Variants in DNAH9 observed in about 807,000 individuals in gnomAD.
The protein encoded by DNAH9 is dynein axonemal heavy chain 9, also known as DNAH9 variant protein.
A neutral mutation model predicts 471.6 loss-of-function variants in DNAH9; 345 were observed. The observed-to-expected ratio is 0.73, with a 90% CI of 0.67 to 0.80. DNAH9 has a LOEUF of 0.80. Ranked by LOEUF, DNAH9 falls within the 30% of genes least tolerant of loss-of-function variation. The pLI is 0.00. For synonymous variants in DNAH9, 2,093 were observed against 2,123.6 expected, an observed-to-expected ratio of 0.99 and a Z score of 0.40; for missense variants, 5,407 against 5,609.2, an observed-to-expected ratio of 0.96 and a Z score of 1.15.
intron 41 of DNAH9, among the ~76,000 whole-genome samples, 198 bp downstream of exon 41, chr17:11,784,737 T>C (rs1013104069): frequency 6.6e-6 from 1 of 152,116 alleles, no homozygotes; most frequent in African/African-American, 2.4e-5. Context: ...GAGTTTCCTT[T>C]GCCAATTAAA....
intron 30 of DNAH9, among the ~76,000 whole-genome samples, chr17:11,744,207 AGTCT>A (rs1414822183): frequency 6.6e-6 from 1 of 152,090 alleles, no homozygotes; most frequent in Non-Finnish European, 1.5e-5. Flanking sequence ...CTTCAACAGA[AGTCT>A]GTCTGAGTTC....
intron 50 of DNAH9, among the ~76,000 whole-genome samples, chr17:11,856,190 A>C (rs1342232321): frequency 6.6e-6 from 1 of 152,178 alleles, no homozygotes; most frequent in Non-Finnish European, 1.5e-5. Flanking sequence ...TCAATCCAAA[A>C]AATTTTCTGG....
At chr17:11,719,562 A>G in intron 27 of DNAH9, 72 bp downstream of exon 27, 3 of 1,445,562 alleles carry the variant, frequency 2.1e-6, no homozygotes, top group Non-Finnish European at 2.8e-6. Flanking sequence ...CAAGGCTAAG[A>G]CGCATCCGTG....
At chr17:11,889,916 G>A (rs568842472) in intron 57 of DNAH9, among the ~76,000 whole-genome samples, 34 of 152,282 alleles carry the variant, frequency 2.2e-4, no homozygotes, top group African/African-American at 7.9e-4. Flanking sequence ...CTGTGGAAGT[G>A]GGATCAGGCC....
At chr17:11,762,770 G>GTTGTTTTTT (rs1967746481) in intron 35 of DNAH9, among the ~76,000 whole-genome samples, 3 of 90,744 alleles carry the variant, frequency 3.3e-5, no homozygotes, top group Admixed American at 1.4e-4. Context: ...TTTTTTTTTT[G>GTTGTTTTTT]TTTTTTTTTT....
At chr17:11,680,680 A>C (rs1289917686) in intron 18 of DNAH9, 43 bp from the exon 19 acceptor site, 2 of 1,585,736 alleles carry the variant, frequency 1.3e-6, no homozygotes, top group Non-Finnish European at 1.7e-6. Flanking sequence ...GGGAGAGGAA[A>C]GAGCACCTTG....
chr17:11,897,795 A>G (rs996868500), intron 59 of DNAH9, among the ~76,000 whole-genome samples: 1 of 152,230 alleles, frequency 6.6e-6, no homozygotes, highest in Non-Finnish European at 1.5e-5. Flanking sequence ...TGCTAAACCA[A>G]TGGAAGCTGA....
rs1597388958 is a variant in DNAH9 at position 11,612,029 on chromosome 17, G to A, written c.904+249G>A. 2.0e-5 allele frequency: 12 copies of A among 602,628 alleles called. No homozygotes were observed. In the East Asian group the frequency reaches 2.7e-4, roughly 14 times the overall value. The allele number at this position is 602,628 out of a possible 1,614,324, so 37.3% of individuals were successfully genotyped here. A position where few individuals can be genotyped will look rare whatever the true frequency, so the allele number is the denominator to read the frequency against. ...CTAGCCCCTCTGAGCTTTAGTACGT[G>A]TGTTGGTTATGGGGCATACACTTCT... On this transcript the variant is annotated intron_variant, in intron 4 of 68. Transcript: ENST00000262442.
intron 56 of DNAH9, 150 bp downstream of exon 56, chr17:11,883,900 A>G (rs1027560063): frequency 1.1e-6 from 1 of 893,726 alleles, no homozygotes; most frequent in Non-Finnish European, 1.7e-6. Flanking sequence ...TAGAAAGTCT[A>G]CCTAGGCAGG....
chr17:11,869,032 G>A, intron 50 of DNAH9, 102 bp from the exon 51 acceptor site: 1 of 1,404,972 alleles, frequency 7.1e-7, no homozygotes, highest in Non-Finnish European at 9.7e-7. Context: ...CCCCCGCAGA[G>A]TGCTTCCTTC....
At chr17:11,737,051 G>C (rs1452977628) in intron 28 of DNAH9, among the ~76,000 whole-genome samples, 2 of 152,256 alleles carry the variant, frequency 1.3e-5, no homozygotes, top group Non-Finnish European at 2.9e-5. Context: ...GCAGAGCTGG[G>C]CTGGGCTGTG....
intron 57 of DNAH9, among the ~76,000 whole-genome samples, chr17:11,888,406 C>T (rs1972950809): frequency 6.6e-6 from 1 of 152,002 alleles, no homozygotes. Context: ...GCCTAATAAC[C>T]ACAGGATCAC....
At position 11,739,042 on chromosome 17, in the gene DNAH9, G is replaced by A. The variant is rs775358573; in HGVS notation, c.5972+5G>A. 39 of 1,610,776 alleles carry A rather than the reference G, an allele frequency of 2.4e-5. No individual in the cohort carries two copies. In the East Asian group the frequency reaches 8.7e-4, roughly 36 times the overall value. On this transcript the variant is annotated splice_donor_5th_base_variant and intron_variant, in intron 29 of 68. Coordinates refer to ENST00000262442, the MANE Select transcript of DNAH9 (RefSeq NM_001372.4). ...GAATCTCAAGTCTCTCTTCAGGTGAGTGTCAGTTCTGCCCCATGCAAAAGC... is the reference window on the plus strand; with the variant it reads ...GAATCTCAAGTCTCTCTTCAGGTGAATGTCAGTTCTGCCCCATGCAAAAGC...
intron 10 of DNAH9, among the ~76,000 whole-genome samples, chr17:11,644,202 C>T (rs1167131416): frequency 6.6e-6 from 1 of 152,166 alleles, no homozygotes; most frequent in African/African-American, 2.4e-5. Flanking sequence ...CAGTCACATA[C>T]GTGTATATAT....
chr17:11,967,876 C>CA (rs2078707752), intron 68 of DNAH9, among the ~76,000 whole-genome samples: 1 of 151,494 alleles, frequency 6.6e-6, no homozygotes, highest in Non-Finnish European at 1.5e-5. Flanking sequence ...ATTATAGAGA[C>CA]AAAAAAAGGA....
intron 41 of DNAH9, among the ~76,000 whole-genome samples, chr17:11,792,892 A>G (rs1019571459): frequency 8.5e-5 from 13 of 152,182 alleles, no homozygotes; most frequent in Admixed American, 7.9e-4. Context: ...CTGAATTCCA[A>G]TCTTCACATT....
At chr17:11,732,899 C>G (rs2075291117) in intron 28 of DNAH9, among the ~76,000 whole-genome samples, 1 of 152,086 alleles carries the variant, frequency 6.6e-6, no homozygotes, top group African/African-American at 2.4e-5. Flanking sequence ...CAAGTAGAAG[C>G]AGAAGATCAG....
chr17:11,675,363 T>C (rs1425372740), intron 17 of DNAH9, among the ~76,000 whole-genome samples: 2 of 152,200 alleles, frequency 1.3e-5, no homozygotes, highest in Admixed American at 1.3e-4. Flanking sequence ...GCAACGTACA[T>C]GGTCATCATC....
intron 66 of DNAH9, among the ~76,000 whole-genome samples, chr17:11,941,933 GGCCCACAGGGGCCACCTTT>G (rs1280916669): frequency 6.6e-6 from 1 of 152,156 alleles, no homozygotes; most frequent in East Asian, 1.9e-4. Flanking sequence ...AGCTTCACAT[GGCCCACAGGGGCCACCTTT>G]TGGCCCAAGT....
Sources: allele counts gnomAD v4.1 joint callset (sites outside exome capture counted in the v4.1 genomes callset), GRCh38; gene constraint gnomAD v4.1.1; transcripts MANE v1.5; gene names NCBI Gene and HGNC (gene_info 2026-07-23, HGNC 2026-07-21).